Variants in COL24A1 observed in about 807,000 individuals in gnomAD.
The protein encoded by COL24A1 is collagen type XXIV alpha 1 chain.
Under a neutral mutation model 253.9 loss-of-function variants are expected in COL24A1, and 224 were observed. The ratio of observed to expected loss-of-function variants is 0.88; its 90% CI spans 0.79 to 0.99. The LOEUF (loss-of-function observed/expected upper bound fraction) is 0.99. Among genes scored for constraint, COL24A1 ranks in the 50% least tolerant of loss-of-function variants. The pLI is 0.00. For synonymous variants in COL24A1, 685 were observed against 673.7 expected (o/e 1.02, Z -0.26); for missense variants, 2,131 against 2,068.5 (o/e 1.03, Z -0.59).
At chr1:85,865,067 G>A (rs1442852728) in intron 37 of COL24A1, among the ~76,000 whole-genome samples, 2 of 151,584 alleles carry the variant, frequency 1.3e-5, no homozygotes, top group African/African-American at 4.8e-5. Context: ...CCTGGATTTG[G>A]AATTCATTAC....
At chr1:86,011,649 CTTTCT>C (rs1264359534) in intron 19 of COL24A1, among the ~76,000 whole-genome samples, 4 of 152,324 alleles carry the variant, frequency 2.6e-5, no homozygotes, top group East Asian at 1.9e-4. Context: ...TTATTAGTGT[CTTTCT>C]TTTATCACTT....
At chr1:86,040,918 G>T (rs1006301646) in intron 12 of COL24A1, among the ~76,000 whole-genome samples, 1 of 152,112 alleles carries the variant, frequency 6.6e-6, no homozygotes, top group African/African-American at 2.4e-5. Flanking sequence ...TCCACAAAAT[G>T]TATGTATCTG....
At chr1:85,801,216 C>T (rs1671392394) in intron 47 of COL24A1, among the ~76,000 whole-genome samples, 1 of 152,160 alleles carries the variant, frequency 6.6e-6, no homozygotes, top group Non-Finnish European at 1.5e-5. Flanking sequence ...CTCCTTCCCA[C>T]TGTTCAACAA....
chr1:85,968,496 A>G (rs1270391717), intron 22 of COL24A1, among the ~76,000 whole-genome samples: 1 of 152,196 alleles, frequency 6.6e-6, no homozygotes, highest in Non-Finnish European at 1.5e-5. Context: ...ACTGCTCTAA[A>G]TTATCGAATC....
intron 53 of COL24A1, among the ~76,000 whole-genome samples, chr1:85,765,724 G>C (rs1295711679): frequency 1.3e-5 from 2 of 152,078 alleles, no homozygotes; most frequent in Non-Finnish European, 2.9e-5. Flanking sequence ...CTGGGTGACA[G>C]AGCAAGACTC....
At chr1:85,841,330 C>A (rs2102247053) in intron 41 of COL24A1, 52 bp from the exon 42 acceptor site, 2 of 1,203,856 alleles carry the variant, frequency 1.7e-6, no homozygotes, top group Non-Finnish European at 2.4e-6. Context: ...AAATAAACAT[C>A]AAAAACACAC....
At chr1:85,768,924 A>G (rs1477601543) in intron 53 of COL24A1, among the ~76,000 whole-genome samples, 1 of 152,170 alleles carries the variant, frequency 6.6e-6, no homozygotes, top group Non-Finnish European at 1.5e-5. Context: ...GATGGTAGGT[A>G]GGTACTAGGT....
intron 50 of COL24A1, among the ~76,000 whole-genome samples, chr1:85,783,859 T>C (rs573554735): frequency 1.3e-5 from 2 of 152,288 alleles, no homozygotes; most frequent in East Asian, 1.9e-4. Flanking sequence ...CATTGCTGTA[T>C]GTTTGAAAAT....
chr1:85,806,814 G>C (rs757549413), intron 47 of COL24A1, among the ~76,000 whole-genome samples: 1 of 152,188 alleles, frequency 6.6e-6, no homozygotes, highest in African/African-American at 2.4e-5. Flanking sequence ...GACCCAGCAG[G>C]CTCCTTTACT....
At chr1:86,040,075 TTCCGGCCTTGTTCTTAAA>T (rs1699345798) in intron 12 of COL24A1, among the ~76,000 whole-genome samples, 1 of 152,142 alleles carries the variant, frequency 6.6e-6, no homozygotes, top group South Asian at 2.1e-4. Flanking sequence ...CAGATTCAAG[TTCCGGCCTTGTTCTTAAA>T]GACTGAATAC....
intron 20 of COL24A1, among the ~76,000 whole-genome samples, chr1:85,984,783 A>T (rs998455018): frequency 6.6e-6 from 1 of 151,714 alleles, no homozygotes; most frequent in Non-Finnish European, 1.5e-5. Context: ...ACCAGAATCA[A>T]ATTTCTTATC....
At chr1:85,950,589 A>C (rs918262916) in intron 24 of COL24A1, among the ~76,000 whole-genome samples, 2 of 152,224 alleles carry the variant, frequency 1.3e-5, no homozygotes, top group Non-Finnish European at 2.9e-5. Context: ...TTTTAACTTT[A>C]CTAAAAACTA....
At chr1:85,830,855 A>C (rs2102106091) in intron 43 of COL24A1, among the ~76,000 whole-genome samples, 1 of 152,248 alleles carries the variant, frequency 6.6e-6, no homozygotes, top group African/African-American at 2.4e-5. Context: ...CCAGTACCTC[A>C]GATGGAAATG....
intron 47 of COL24A1, among the ~76,000 whole-genome samples, chr1:85,796,268 T>C (rs1670798748): frequency 6.6e-6 from 1 of 152,174 alleles, no homozygotes; most frequent in Non-Finnish European, 1.5e-5. Context: ...TACAGGTATT[T>C]CAACATTGTT....
intron 2 of COL24A1, among the ~76,000 whole-genome samples, chr1:86,126,972 C>T (rs1033492368): frequency 6.6e-6 from 1 of 152,052 alleles, no homozygotes; most frequent in African/African-American, 2.4e-5. Context: ...TAGGTTCACA[C>T]GATCCCTTAA....
At chr1:85,926,884 A>G (rs2103061521) in intron 24 of COL24A1, among the ~76,000 whole-genome samples, 1 of 152,264 alleles carries the variant, frequency 6.6e-6, no homozygotes, top group South Asian at 2.1e-4. Flanking sequence ...AAAGAAAGAT[A>G]CAGAAAATAA....
chr1:86,041,711 T>G (rs777831134), intron 12 of COL24A1, among the ~76,000 whole-genome samples: 13 of 152,230 alleles, frequency 8.5e-5, no homozygotes, highest in Non-Finnish European at 1.5e-4. Flanking sequence ...ACTTAGGCTT[T>G]TAAAAAATCT....
At chr1:85,988,587 A>G (rs776907317) in intron 19 of COL24A1, among the ~76,000 whole-genome samples, 3 of 152,082 alleles carry the variant, frequency 2.0e-5, no homozygotes, top group Non-Finnish European at 2.9e-5. Flanking sequence ...ACATTAGTGA[A>G]GGAAAAAAGT....
Position 85,862,546 on chromosome 1 carries a change from A to G in COL24A1, c.3300+5973T>C, listed in dbSNP as rs1190086541. 1.3e-5 allele frequency among the ~76,000 whole-genome samples: 2 copies of G among 152,184 alleles called. 1 individual carries two copies. Among genetic ancestry groups the G allele is most frequent in the African/African-American group, 4.8e-5 (2 of 41,452 alleles). ...ACACAATCATCTTGGGAAGTTCTGC[A>G]TAGCTCCAACCCGTTTGTTTTGTGT... On this transcript the variant is annotated intron_variant, in intron 37 of 59. Transcript: ENST00000370571.
Sources: allele counts gnomAD v4.1 joint callset (sites outside exome capture counted in the v4.1 genomes callset), GRCh38; gene constraint gnomAD v4.1.1; transcripts MANE v1.5; gene names NCBI Gene and HGNC (gene_info 2026-07-23, HGNC 2026-07-21).